The following GTF2IRD1 variants were observed in gnomAD, a reference collection of about 807,000 sequenced individuals.
GTF2IRD1 encodes general transcription factor II-I repeat domain-containing protein 1.
GTF2IRD1 carries 26 observed loss-of-function variants against 113.2 expected under a neutral mutation model. The ratio of observed to expected loss-of-function variants is 0.23; its 90% CI spans 0.17 to 0.32. GTF2IRD1 has a LOEUF of 0.32. GTF2IRD1 is among the 10% of genes least tolerant of loss of function. The probability of loss-of-function intolerance (pLI) is 1.00; values close to 1 mark genes in which losing one functional copy is unlikely to be tolerated. For missense variants in GTF2IRD1, 864 were observed against 1,280.8 expected (o/e 0.67, Z 4.97); for synonymous variants, 484 against 529.1 (o/e 0.91, Z 1.17).
intron 1 of GTF2IRD1, among the ~76,000 whole-genome samples, chr7:74,462,385 G>C (rs1420471931): frequency 6.6e-6 from 1 of 152,170 alleles, no homozygotes; most frequent in Admixed American, 6.5e-5. Flanking sequence ...CCACTGATCT[G>C]TCTTCTGTAT....
Position 74,529,621 on chromosome 7 carries a change from CA to C in GTF2IRD1, c.1091-112del, listed in dbSNP as rs1583804030. ...TTCTGCAGGATCCCTCTGGCCGCTA[CA>C]TGGCCAGAGTGGAGTGGGGACGGTG... On this transcript the variant is annotated intron_variant, in intron 8 of 26. Transcript: ENST00000424337. The C allele has an allele frequency of 5.1e-6, 4 of 788,660 alleles. No homozygotes were observed. In the East Asian group the frequency reaches 1.1e-4, roughly 21 times the overall value. 48.9% of individuals were successfully genotyped at this position (788,660 alleles called of 1,614,324 possible).
chr7:74,512,698 G>A lies in GTF2IRD1; in HGVS notation c.124-132G>A. The A allele has an allele frequency of 1.3e-6, 1 of 746,172 alleles. No individual in the cohort carries two copies. The highest frequency in any genetic ancestry group is 2.2e-6 in the Non-Finnish European group (1 of 459,074). The allele number at this position is 746,172 out of a possible 1,614,324, so 46.2% of individuals were successfully genotyped here. ...GAATCTGAGACCAAGAACAGTAGAG[G>A]GGCCGTCTGTCCCTGGAGCTGCTGC... On this transcript the variant is annotated intron_variant, in intron 2 of 26. Coordinates refer to ENST00000424337, the MANE Select transcript of GTF2IRD1 (RefSeq NM_005685.4). The surrounding 1 kb of genome is among the most constrained non-coding windows in gnomAD (Gnocchi z 4.4).
intron 2 of GTF2IRD1, among the ~76,000 whole-genome samples, chr7:74,509,720 T>C (rs1796516778): frequency 6.6e-6 from 1 of 151,802 alleles, no homozygotes; most frequent in Non-Finnish European, 1.5e-5. Flanking sequence ...GTCGCCAGGC[T>C]GGAGTGCAGT....
chr7:74,523,778 C>T (rs1408496178), intron 7 of GTF2IRD1, among the ~76,000 whole-genome samples: 2 of 152,100 alleles, frequency 1.3e-5, no homozygotes, highest in East Asian at 3.8e-4. Context: ...ACTGCTCTTC[C>T]AGCCTCCTGT....
rs186107559 is a variant in GTF2IRD1, at chr7:74,589,502, G to C, written c.2321-349G>C. 5.7e-4 allele frequency among the ~76,000 whole-genome samples: 86 copies of C among 152,118 alleles called. 1 individual carries two copies. In the East Asian group the frequency reaches 0.016, roughly 29 times the overall value. On this transcript the variant is annotated intron_variant, in intron 22 of 26. Transcript: ENST00000424337. ...CACCTGAGCCAGGAGTTTGAGACCAGCCTGGGCAACATGGTGAAACCCCAT... is the reference window on the plus strand; with the variant it reads ...CACCTGAGCCAGGAGTTTGAGACCACCCTGGGCAACATGGTGAAACCCCAT...
intron 25 of GTF2IRD1, among the ~76,000 whole-genome samples, chr7:74,598,576 A>C (rs1802560346): frequency 6.6e-6 from 1 of 151,938 alleles, no homozygotes; most frequent in South Asian, 2.1e-4. Flanking sequence ...AGATCACACT[A>C]CTGTACTTCA....
chr7:74,550,957 C>T (rs1554354846), intron 17 of GTF2IRD1, among the ~76,000 whole-genome samples: 1 of 152,014 alleles, frequency 6.6e-6, no homozygotes, highest in Non-Finnish European at 1.5e-5. Context: ...GGAAGAATAG[C>T]TTAAGCACAG....
At chr7:74,557,197 G>A (rs587690545) in intron 19 of GTF2IRD1, among the ~76,000 whole-genome samples, 10 of 152,260 alleles carry the variant, frequency 6.6e-5, no homozygotes, top group East Asian at 1.9e-4. Flanking sequence ...ATTGGGAGCC[G>A]CCAGGCCCAT....
At chr7:74,541,114 G>A (rs1798612400) in intron 14 of GTF2IRD1, among the ~76,000 whole-genome samples, 1 of 151,926 alleles carries the variant, frequency 6.6e-6, no homozygotes, top group South Asian at 2.1e-4. Context: ...TGCGTAAGGG[G>A]CTGGGGAAAA....
At chr7:74,568,718 C>G (rs1356947110) in intron 22 of GTF2IRD1, among the ~76,000 whole-genome samples, 2 of 152,136 alleles carry the variant, frequency 1.3e-5, no homozygotes, top group Admixed American at 6.6e-5. Flanking sequence ...AATGCTCATG[C>G]AAGCTCCTCT....
At chr7:74,488,345 G>A (rs1021731155) in intron 1 of GTF2IRD1, among the ~76,000 whole-genome samples, 1 of 152,168 alleles carries the variant, frequency 6.6e-6, no homozygotes, top group East Asian at 1.9e-4. Context: ...AAAATCGGAT[G>A]TAGGCTCTTC....
chr7:74,582,271 C>A (rs1253522478), intron 22 of GTF2IRD1, among the ~76,000 whole-genome samples: 1 of 152,174 alleles, frequency 6.6e-6, no homozygotes, highest in Non-Finnish European at 1.5e-5. Context: ...TCCCCAGACA[C>A]GGCAGGGGAC....
intron 21 of GTF2IRD1, among the ~76,000 whole-genome samples, chr7:74,559,403 C>T (rs1799811344): frequency 6.6e-6 from 1 of 152,252 alleles, no homozygotes; most frequent in East Asian, 1.9e-4. Context: ...CTGCACAAGG[C>T]CCAGGTCTGC....
chr7:74,483,349 G>A (rs1390663812), intron 1 of GTF2IRD1, among the ~76,000 whole-genome samples: 2 of 151,766 alleles, frequency 1.3e-5, no homozygotes, highest in African/African-American at 4.8e-5. Flanking sequence ...CCCAGCCTGG[G>A]CAACATAGCA....
At position 74,559,699 on chromosome 7, in the gene GTF2IRD1, G is replaced by C. The variant is rs1233394658; in HGVS notation, c.2320+44G>C. ...GGAGGGGGCACTGGGAATAGGGCCC[G>C]ATCGTGGTGCTGGGGACTGGAGCTA... On this transcript the variant is annotated intron_variant, in intron 22 of 26. Transcript: ENST00000424337. 2 of 1,529,686 alleles carry C rather than the reference G, an allele frequency of 1.3e-6. 1 individual carries two copies. The highest frequency in any genetic ancestry group is 4.5e-4 in the Middle Eastern group (2 of 4,470). 94.8% of individuals were successfully genotyped at this position (1,529,686 alleles called of 1,614,324 possible). A position where few individuals can be genotyped will look rare whatever the true frequency, so the allele number is the denominator to read the frequency against.
At chr7:74,575,577 G>T (rs587598333) in intron 22 of GTF2IRD1, among the ~76,000 whole-genome samples, 1 of 152,336 alleles carries the variant, frequency 6.6e-6, no homozygotes, top group Admixed American at 6.5e-5. Flanking sequence ...TGGCGGCAGT[G>T]GGGTGGTGAG....
intron 1 of GTF2IRD1, among the ~76,000 whole-genome samples, chr7:74,467,150 T>C: frequency 6.6e-6 from 1 of 152,112 alleles, no homozygotes; most frequent in African/African-American, 2.4e-5. Flanking sequence ...GGTTTCATCA[T>C]GTTGGCCAGG....
intron 8 of GTF2IRD1, among the ~76,000 whole-genome samples, chr7:74,529,438 C>T (rs1416270796): frequency 1.3e-5 from 2 of 151,796 alleles, no homozygotes; most frequent in African/African-American, 4.8e-5. Context: ...TTACTTTCTG[C>T]AGAGATGGGG....
intron 1 of GTF2IRD1, among the ~76,000 whole-genome samples, chr7:74,478,389 G>A (rs1554333928): frequency 2.0e-5 from 3 of 152,202 alleles, no homozygotes; most frequent in African/African-American, 7.2e-5. Flanking sequence ...GGCTCTCACA[G>A]AGCTGAGAGC....
Sources: allele counts gnomAD v4.1 joint callset (sites outside exome capture counted in the v4.1 genomes callset), GRCh38; gene constraint gnomAD v4.1.1; non-coding constraint Gnocchi (gnomAD v3.1); transcripts MANE v1.5; gene names NCBI Gene and HGNC (gene_info 2026-07-23, HGNC 2026-07-21).